NKAIN3: variants seen among roughly 807,000 people sequenced by gnomAD.
NKAIN3 encodes the protein sodium/potassium transporting ATPase interacting 3.
Under a neutral mutation model 30.2 loss-of-function variants are expected in NKAIN3, and 25 were observed. That is an observed-to-expected ratio of 0.83 (90% CI 0.60 to 1.16). The LOEUF (loss-of-function observed/expected upper bound fraction) is 1.16. Among genes scored for constraint, NKAIN3 ranks in the 50% most tolerant of loss-of-function variants. The pLI, the probability that NKAIN3 is intolerant of heterozygous loss-of-function variation, is 0.00. For synonymous variants in NKAIN3, 91 were observed against 89.6 expected, an observed-to-expected ratio of 1.02 and a Z score of -0.09; for missense variants, 225 against 254.1, an observed-to-expected ratio of 0.89 and a Z score of 0.78.
At chr8:62,926,469 C>G (rs552164371) in intron 5 of NKAIN3, among the ~76,000 whole-genome samples, 64 of 152,296 alleles carry the variant, frequency 4.2e-4, no homozygotes, top group African/African-American at 1.5e-3. Context: ...AACCTCACAA[C>G]GTCACATGTG....
chr8:62,602,354 C>G (rs1811006557), intron 3 of NKAIN3, among the ~76,000 whole-genome samples: 1 of 151,978 alleles, frequency 6.6e-6, no homozygotes, highest in Admixed American at 6.6e-5. Flanking sequence ...TGTATTTTAT[C>G]TTTTCTTCTT....
intron 3 of NKAIN3, among the ~76,000 whole-genome samples, chr8:62,619,714 G>T (rs1433631034): frequency 5.1e-5 from 7 of 138,276 alleles, no homozygotes; most frequent in African/African-American, 1.6e-4. Flanking sequence ...AAAAAAAAAG[G>T]CTGGAAATAT....
intron 3 of NKAIN3, among the ~76,000 whole-genome samples, chr8:62,609,368 T>C (rs1449482310): frequency 2.0e-5 from 3 of 152,130 alleles, no homozygotes; most frequent in Non-Finnish European, 4.4e-5. Flanking sequence ...TGCTGGAAAA[T>C]GTTTATTTTC....
intron 4 of NKAIN3, among the ~76,000 whole-genome samples, chr8:62,837,693 C>T (rs1819410279): frequency 6.6e-6 from 1 of 152,042 alleles, no homozygotes; most frequent in Non-Finnish European, 1.5e-5. Flanking sequence ...GATGCAATGT[C>T]AAATAATTTT....
At chr8:62,320,134 G>A (rs1352334804) in intron 1 of NKAIN3, among the ~76,000 whole-genome samples, 5 of 151,844 alleles carry the variant, frequency 3.3e-5, no homozygotes, top group South Asian at 2.1e-4. Flanking sequence ...AGTCTGTTTT[G>A]TCAGAGACTA....
intron 1 of NKAIN3, among the ~76,000 whole-genome samples, chr8:62,394,881 G>A (rs878936489): frequency 2.1e-5 from 3 of 145,250 alleles, no homozygotes; most frequent in East Asian, 2.1e-4. Context: ...CGGGGGAGGC[G>A]CTCATCACTT....
intron 3 of NKAIN3, among the ~76,000 whole-genome samples, chr8:62,605,284 G>C (rs1362336861): frequency 6.6e-6 from 1 of 151,994 alleles, no homozygotes; most frequent in African/African-American, 2.4e-5. Context: ...GAATGGTAGA[G>C]CTGAAAACAA....
chr8:62,798,378 T>C (rs1817937172), intron 4 of NKAIN3, among the ~76,000 whole-genome samples: 1 of 152,122 alleles, frequency 6.6e-6, no homozygotes, highest in African/African-American at 2.4e-5. Flanking sequence ...GAGACCATCC[T>C]GGCTAACACG....
intron 5 of NKAIN3, among the ~76,000 whole-genome samples, chr8:62,944,802 C>T (rs1268947836): frequency 6.6e-6 from 1 of 152,090 alleles, no homozygotes; most frequent in African/African-American, 2.4e-5. Context: ...TGGAAAAGCA[C>T]CTCTTAATGA....
At chr8:62,266,740 T>C (rs1487163105) in intron 1 of NKAIN3, among the ~76,000 whole-genome samples, 2 of 152,196 alleles carry the variant, frequency 1.3e-5, no homozygotes, top group African/African-American at 2.4e-5. Context: ...GTCAGTTTAC[T>C]GCTGCCATGG....
intron 1 of NKAIN3, among the ~76,000 whole-genome samples, chr8:62,352,012 G>T (rs759718819): frequency 2.0e-5 from 3 of 152,182 alleles, no homozygotes; most frequent in Non-Finnish European, 2.9e-5. Flanking sequence ...GATGAAGCTC[G>T]TGGGCTGGTC....
chr8:62,480,250 G>C (rs6995937), intron 1 of NKAIN3, among the ~76,000 whole-genome samples: 4,853 of 152,114 alleles, frequency 0.032, 295 homozygotes, highest in African/African-American at 0.11. Flanking sequence ...GAGATCATCT[G>C]AGTAGATCTC....
intron 1 of NKAIN3, among the ~76,000 whole-genome samples, chr8:62,571,171 T>C (rs890259479): frequency 6.7e-6 from 1 of 150,274 alleles, no homozygotes; most frequent in Non-Finnish European, 1.5e-5. Context: ...AGTCTCACTC[T>C]ACTGCCCAGA....
chr8:62,701,767 C>T (rs1198878583), intron 3 of NKAIN3, among the ~76,000 whole-genome samples: 4 of 152,154 alleles, frequency 2.6e-5, no homozygotes, highest in Admixed American at 6.5e-5. Context: ...GGCTTCTCTC[C>T]CAACCGAGGA....
In NKAIN3 at chr8:62,840,384, C is replaced by T. The variant is rs1212151227; in HGVS notation, c.472-78069C>T. On this transcript the variant is annotated intron_variant, in intron 4 of 6. Coordinates refer to ENST00000623646, the MANE Select transcript of NKAIN3 (RefSeq NM_001304533.3). ...AAAAATTAACAGTAAAACATATTACCTTTCCTTTTGAGCTTGATTTATTTA... is the reference window on the plus strand; with the variant it reads ...AAAAATTAACAGTAAAACATATTACTTTTCCTTTTGAGCTTGATTTATTTA... Among the ~76,000 whole-genome samples, 14 of 150,428 alleles carry T rather than the reference C, an allele frequency of 9.3e-5. No individual in the cohort carries two copies. In the East Asian group the frequency reaches 2.8e-3, roughly 30 times the overall value.
chr8:62,372,349 T>A (rs931647397), intron 1 of NKAIN3, among the ~76,000 whole-genome samples: 22 of 151,980 alleles, frequency 1.4e-4, no homozygotes, highest in African/African-American at 5.3e-4. Flanking sequence ...AGATGCAACT[T>A]GTTTTCTCTT....
intron 4 of NKAIN3, among the ~76,000 whole-genome samples, chr8:62,770,284 T>G (rs372171462): frequency 7.2e-5 from 11 of 152,332 alleles, no homozygotes; most frequent in South Asian, 2.1e-4. Flanking sequence ...TTTAGTGTAC[T>G]CCATAACCCC....
chr8:62,262,763 C>T (rs578068327), intron 1 of NKAIN3, among the ~76,000 whole-genome samples: 2 of 152,136 alleles, frequency 1.3e-5, no homozygotes, highest in African/African-American at 2.4e-5. Flanking sequence ...TAGAAGACAA[C>T]GTTTTGTAAT....
At chr8:62,510,414 A>T (rs953574007) in intron 1 of NKAIN3, among the ~76,000 whole-genome samples, 4 of 151,802 alleles carry the variant, frequency 2.6e-5, no homozygotes, top group Admixed American at 2.6e-4. Flanking sequence ...CTCTTCTTCC[A>T]CTCCATCATT....
Sources: gnomAD v4.1 joint callset for allele counts (sites outside exome capture counted in the v4.1 genomes callset) on GRCh38, gnomAD v4.1.1 for gene constraint, MANE v1.5 for transcripts, NCBI Gene and HGNC (gene_info 2026-07-23, HGNC 2026-07-21) for gene names.